The following CANX variants were observed in gnomAD, a reference collection of about 807,000 sequenced individuals.
The protein encoded by CANX is epididymis secretory sperm binding protein.
A neutral mutation model predicts 75.7 loss-of-function variants in CANX; 14 were observed. That is an observed-to-expected ratio of 0.19 (90% CI 0.12 to 0.29). The LOEUF (loss-of-function observed/expected upper bound fraction) is 0.29, where lower values mean the gene tolerates loss of function less well. CANX is among the 10% of genes least tolerant of loss of function. The pLI is 1.00. For synonymous variants in CANX, 227 were observed against 236.9 expected, an observed-to-expected ratio of 0.96 and a Z score of 0.38; for missense variants, 567 against 713.2, an observed-to-expected ratio of 0.79 and a Z score of 2.34.
chr5:179,690,568 C>G (rs1776282744), intron 1 of CANX, among the ~76,000 whole-genome samples: 1 of 89,796 alleles, frequency 1.1e-5, no homozygotes, highest in Non-Finnish European at 2.0e-5. Flanking sequence ...AAGAGTGAGA[C>G]TTCATCTCAA....
intron 1 of CANX, among the ~76,000 whole-genome samples, chr5:179,686,479 T>C (rs975770021): frequency 6.6e-6 from 1 of 151,960 alleles, no homozygotes; most frequent in African/African-American, 2.4e-5. Context: ...GCAGTTTTTC[T>C]TGTTGTTATT....
chr5:179,710,657 G>A (rs1421599198), intron 7 of CANX, among the ~76,000 whole-genome samples: 2 of 125,038 alleles, frequency 1.6e-5, no homozygotes, highest in Non-Finnish European at 3.3e-5. Flanking sequence ...GCAGTGAGCC[G>A]AGATCGCGCC....
chr5:179,681,141 G>T (rs757393966), intron 1 of CANX, among the ~76,000 whole-genome samples: 1 of 152,180 alleles, frequency 6.6e-6, no homozygotes, highest in Non-Finnish European at 1.5e-5. Flanking sequence ...TGAGCTGTCA[G>T]ATAGACTCTG....
chr5:179,695,720 C>T (rs946789662), upstream of CANX, among the ~76,000 whole-genome samples: 7 of 151,284 alleles, frequency 4.6e-5, no homozygotes, highest in Middle Eastern at 6.4e-3. Context: ...GCGCAATCTC[C>T]GCTCACTGCA....
intron 10 of CANX, among the ~76,000 whole-genome samples, chr5:179,721,962 A>T (rs1032437316): frequency 6.6e-6 from 1 of 152,042 alleles, no homozygotes; most frequent in Non-Finnish European, 1.5e-5. Context: ...TTTTCCTCAT[A>T]GTCGTTAAAG....
intron 1 of CANX, among the ~76,000 whole-genome samples, chr5:179,689,864 T>C (rs1356652914): frequency 6.6e-6 from 1 of 152,150 alleles, no homozygotes; most frequent in Non-Finnish European, 1.5e-5. Context: ...ACTTCAGAAT[T>C]TAAAGATTCA....
chr5:179,723,417 G>A (rs1201139980), intron 11 of CANX: 3 of 472,956 alleles, frequency 6.3e-6, no homozygotes, highest in Non-Finnish European at 1.1e-5. Flanking sequence ...TGAGGTTAAG[G>A]GAGCCTTTTG....
chr5:179,709,415 A>C (rs1459006671), intron 6 of CANX, among the ~76,000 whole-genome samples: 3 of 148,166 alleles, frequency 2.0e-5, no homozygotes, highest in Non-Finnish European at 4.5e-5. Flanking sequence ...CTCCATCTCA[A>C]AAAAAAAAAA....
intron 10 of CANX, 78 bp from the exon 11 acceptor site, chr5:179,722,726 T>C (rs1448381455): frequency 7.5e-6 from 7 of 932,768 alleles, no homozygotes; most frequent in Admixed American, 2.5e-5. Context: ...TCATGCAAAA[T>C]TTCTCTTACG....
chr5:179,718,540 T>A (rs149314902), intron 8 of CANX, among the ~76,000 whole-genome samples: 1 of 143,856 alleles, frequency 7.0e-6, no homozygotes, highest in African/African-American at 2.6e-5. Context: ...TTTTTTCTTT[T>A]TTTTTGAGAC....
At chr5:179,696,910 ACGTACTCACTTCTGGTCTCTGT>A (rs778085778), upstream of CANX, among the ~76,000 whole-genome samples, 21 of 151,656 alleles carry the variant, frequency 1.4e-4, no homozygotes, top group Non-Finnish European at 2.5e-4. Flanking sequence ...TTCCAACAGC[ACGTACTCACTTCTGGTCTCTGT>A]CACATTTTGG....
Position 179,706,245 on chromosome 5 carries a change from G to T in CANX, c.172-13G>T, listed in dbSNP as rs559179851. The T allele has an allele frequency of 1.4e-4, 196 of 1,427,686 alleles. 1 individual carries two copies. In the South Asian group the frequency reaches 2.2e-3, roughly 16 times the overall value. The allele number at this position is 1,427,686 out of a possible 1,614,324, so 88.4% of individuals were successfully genotyped here. A position where few individuals can be genotyped will look rare whatever the true frequency, so the allele number is the denominator to read the frequency against. On this transcript the variant is annotated splice_polypyrimidine_tract_variant and intron_variant, in intron 2 of 14. Transcript: ENST00000247461. ...AAATTTAAATTTTTAATTCATTTATGTATTTAACACAGGTTACTTACAAAG... is the reference window on the plus strand; with the variant it reads ...AAATTTAAATTTTTAATTCATTTATTTATTTAACACAGGTTACTTACAAAG...
At chr5:179,711,914 A>G (rs1411197812) in intron 7 of CANX, among the ~76,000 whole-genome samples, 1 of 151,862 alleles carries the variant, frequency 6.6e-6, no homozygotes, top group Non-Finnish European at 1.5e-5. Context: ...CCTGGCCAAC[A>G]TGGTGAAACG....
chr5:179,696,611 C>G (rs913916205), upstream of CANX, among the ~76,000 whole-genome samples: 1 of 152,118 alleles, frequency 6.6e-6, no homozygotes, highest in African/African-American at 2.4e-5. Context: ...TTCAGGCCCC[C>G]TCTCCAGCAT....
upstream of CANX, chr5:179,698,609 G>A: frequency 1.0e-5 from 13 of 1,286,928 alleles, no homozygotes; most frequent in Non-Finnish European, 1.3e-5. Context: ...GACGGGTGAG[G>A]GCTACTGGGG....
chr5:179,686,936 C>T (rs1363393565), intron 1 of CANX, among the ~76,000 whole-genome samples: 2 of 152,114 alleles, frequency 1.3e-5, no homozygotes, highest in Admixed American at 6.6e-5. Flanking sequence ...TGCCACCATG[C>T]CTGGCTAATT....
intron 2 of CANX, 85 bp downstream of exon 2, chr5:179,705,937 T>C (rs1777106152): frequency 8.9e-7 from 1 of 1,119,298 alleles, no homozygotes; most frequent in Non-Finnish European, 1.3e-6. Context: ...AAATGTAGTC[T>C]CAACTACTCA....
At chr5:179,700,031 A>C (rs1276301723) in intron 1 of CANX, among the ~76,000 whole-genome samples, 1 of 152,244 alleles carries the variant, frequency 6.6e-6, no homozygotes. Context: ...TCCGACATTT[A>C]GTAACTGCTC....
chr5:179,722,712 T>C (rs1018142032), intron 10 of CANX, 92 bp from the exon 11 acceptor site: 2 of 758,838 alleles, frequency 2.6e-6, no homozygotes, highest in African/African-American at 3.5e-5. Context: ...TTTCTCTCCA[T>C]TGTTCATGCA....
Sources: allele counts gnomAD v4.1 joint callset (sites outside exome capture counted in the v4.1 genomes callset), GRCh38; gene constraint gnomAD v4.1.1; transcripts MANE v1.5; gene names NCBI Gene and HGNC (gene_info 2026-07-23, HGNC 2026-07-21).